Variants in PCDHGA10 observed in about 807,000 individuals in gnomAD.
PCDHGA10 encodes the protein protocadherin gamma subfamily A, 10.
A neutral mutation model predicts 59.5 loss-of-function variants in PCDHGA10; 42 were observed. That is an observed-to-expected ratio of 0.71 (90% CI 0.55 to 0.91). PCDHGA10 has a LOEUF of 0.91. Ranked by LOEUF, PCDHGA10 falls within the 40% of genes least tolerant of loss-of-function variation. PCDHGA10 has a pLI of 0.00. For missense variants in PCDHGA10, 1,111 were observed against 1,198.2 expected (o/e 0.93, Z 1.07); for synonymous variants, 511 against 517.2 (o/e 0.99, Z 0.16).
chr5:141,450,829 A>ATTT (rs373424450), intron 1 of PCDHGA10, among the ~76,000 whole-genome samples: 12,063 of 134,876 alleles, frequency 0.089, 619 homozygotes, highest in African/African-American at 0.14. Flanking sequence ...TATTATTATT[A>ATTT]TTTTTTTTTT....
chr5:141,496,511 C>T (rs1161285563), intron 2 of PCDHGA10, among the ~76,000 whole-genome samples: 1 of 152,182 alleles, frequency 6.6e-6, no homozygotes, highest in Non-Finnish European at 1.5e-5. Flanking sequence ...CACAAGGACC[C>T]AGGAGCCCTT....
intron 3 of PCDHGA10, among the ~76,000 whole-genome samples, chr5:141,509,841 C>T (rs546036990): frequency 2.0e-5 from 3 of 152,326 alleles, no homozygotes; most frequent in African/African-American, 7.2e-5. Context: ...ACCTCCCATT[C>T]ACTCAGAACA....
At chr5:141,463,493 G>C (rs2099061978) in intron 1 of PCDHGA10, among the ~76,000 whole-genome samples, 1 of 128,844 alleles carries the variant, frequency 7.8e-6, no homozygotes, top group Admixed American at 9.6e-5. Flanking sequence ...CTGTCACCCA[G>C]GCTGGAGTGA....
In PCDHGA10 at chr5:141,491,049, G is replaced by A. The variant is rs369146505; in HGVS notation, c.2437-3758G>A. Reference sequence around the variant, plus strand: ...TGGATGCTGATGCAGGCCACAATGCGTGGCTCTCCTACTCACTGTTGCCAC... The same window carrying A: ...TGGATGCTGATGCAGGCCACAATGCATGGCTCTCCTACTCACTGTTGCCAC... On this transcript the variant is annotated intron_variant, in intron 1 of 3. Coordinates refer to ENST00000398610, the MANE Select transcript of PCDHGA10 (RefSeq NM_018913.3). This position sits in a 1 kb window ranked among gnomAD's most constrained non-coding sequence, Gnocchi z 6.9. The A allele has an allele frequency of 3.3e-5, 53 of 1,614,116 alleles. No individual in the cohort carries two copies. The African/African-American group carries it at 5.5e-4, about 17-fold the overall frequency.
At chr5:141,448,139 C>A (rs1486636157) in intron 1 of PCDHGA10, among the ~76,000 whole-genome samples, 1 of 151,884 alleles carries the variant, frequency 6.6e-6, no homozygotes, top group African/African-American at 2.4e-5. Context: ...CCTCACTATA[C>A]CTCAGACTCA....
Position 141,415,247 on chromosome 5 carries a change from C to G in PCDHGA10, c.2072C>G (p.Ser691Ter). 6.2e-7 allele frequency: 1 copy of G among 1,614,210 alleles called. No homozygotes were observed. ...GAGTCTCCAGCTAACTCTGAAACCT[C>G]AGACCTCACTCTGTACCTGGTGGTA... ...SFESPANSET[S>*]DLTLYLVVAV... Residue 691 changes from serine to a stop codon, truncating the protein, a stop_gained, in exon 1 of 4, where the codon TCA becomes TGA. Transcript: ENST00000398610. LOFTEE classifies it high-confidence loss of function.
chr5:141,427,483 A>G lies in PCDHGA10; in HGVS notation c.2436+11872A>G, dbSNP rs759092057. The G allele has an allele frequency of 1.5e-4, 79 of 535,350 alleles. 2 individuals carry two copies. The highest frequency in any genetic ancestry group is 1.1e-3 in the South Asian group (73 of 65,268). 33.2% of individuals were successfully genotyped at this position (535,350 alleles called of 1,614,324 possible). ...ATCGAATCTTCCGCCAATAATGACT[A>G]TAAGCTTGTAACAGATGGGACCCTG... On this transcript the variant is annotated intron_variant, in intron 1 of 3. Coordinates refer to ENST00000398610, the MANE Select transcript of PCDHGA10 (RefSeq NM_018913.3).
At chr5:141,422,009 G>C (rs1483710075) in intron 1 of PCDHGA10, 1 of 1,609,752 alleles carries the variant, frequency 6.2e-7, no homozygotes, top group Non-Finnish European at 8.5e-7. Flanking sequence ...TCCGGAACTC[G>C]GGTGCTGATG....
Position 141,476,187 on chromosome 5 carries a change from G to A in PCDHGA10, c.2437-18620G>A. 6.2e-7 allele frequency: 1 copy of A among 1,613,782 alleles called. No individual in the cohort carries two copies. The highest frequency in any genetic ancestry group is 1.1e-5 in the South Asian group (1 of 91,072). ...GTAGTGGGAGTTTTGCTTCTGCTTG[G>A]TGCCTTGAACAAGGCTTCCACGGTC... On this transcript the variant is annotated intron_variant, in intron 1 of 3. Coordinates refer to ENST00000398610, the MANE Select transcript of PCDHGA10 (RefSeq NM_018913.3). This position sits in a 1 kb window ranked among gnomAD's most constrained non-coding sequence, Gnocchi z 7.6.
chr5:141,475,550 T>G (rs2099365082), intron 1 of PCDHGA10, among the ~76,000 whole-genome samples: 1 of 152,246 alleles, frequency 6.6e-6, no homozygotes, highest in Non-Finnish European at 1.5e-5. Flanking sequence ...AGGGTCCGGC[T>G]AATTGTCTGT....
At chr5:141,505,239 G>A (rs2099844708) in intron 2 of PCDHGA10, 154 bp from the exon 3 acceptor site, 1 of 886,092 alleles carries the variant, frequency 1.1e-6, no homozygotes, top group Middle Eastern at 5.9e-4. Context: ...GCTTCTGAAG[G>A]ATTGTAGAAG....
chr5:141,425,486 C>T (rs2096878743), intron 1 of PCDHGA10, among the ~76,000 whole-genome samples: 1 of 152,236 alleles, frequency 6.6e-6, no homozygotes, highest in African/African-American at 2.4e-5. Context: ...TGGCAACCTA[C>T]TAGGCTATAC....
rs781336795 is a variant in PCDHGA10, at chr5:141,477,936, C to T, written c.2437-16871C>T. Reference sequence around the variant, plus strand: ...GATGCAGGGCACAATGCCTGGCTCTCCTACAGTCTCTTGGGATCCCCTAAC... The same window carrying T: ...GATGCAGGGCACAATGCCTGGCTCTTCTACAGTCTCTTGGGATCCCCTAAC... On this transcript the variant is annotated intron_variant, in intron 1 of 3. Transcript: ENST00000398610. This position sits in a 1 kb window ranked among gnomAD's most constrained non-coding sequence, Gnocchi z 4.9. 1.2e-6 allele frequency: 2 copies of T among 1,614,170 alleles called. No homozygotes were observed. The highest frequency in any genetic ancestry group is 1.1e-5 in the South Asian group (1 of 91,088).
At chr5:141,438,591 C>CATATATATAT (rs946798767) in intron 1 of PCDHGA10, among the ~76,000 whole-genome samples, 17 of 75,552 alleles carry the variant, frequency 2.3e-4, no homozygotes, top group Non-Finnish European at 3.8e-4. Context: ...TACATACATA[C>CATATATATAT]ATATATATAT....
Position 141,475,871 on chromosome 5 carries a change from A to C in PCDHGA10, c.2437-18936A>C, listed in dbSNP as rs568810142. 35 of 513,270 alleles carry C rather than the reference A, an allele frequency of 6.8e-5. No individual in the cohort carries two copies. The East Asian group carries it at 1.1e-3, about 16-fold the overall frequency. The allele number at this position is 513,270 out of a possible 1,614,324, so 31.8% of individuals were successfully genotyped here. The stretch of plus-strand genomic sequence containing the variant: ...CCCGGCGCTAGCTCATTCTTCGTGC[A>C]GTTATTGGCTGGGACTCTGTGTGCC... On this transcript the variant is annotated intron_variant, in intron 1 of 3. Transcript: ENST00000398610.
chr5:141,413,513 T>C lies in PCDHGA10; in HGVS notation c.338T>C (p.Leu113Pro), dbSNP rs1369472337. 34 of 1,613,974 alleles carry C rather than the reference T, an allele frequency of 2.1e-5. No individual in the cohort carries two copies. The highest frequency in any genetic ancestry group is 2.9e-5 in the Non-Finnish European group (34 of 1,179,924). ...CGGTGCGTGGTGAGTTTTAATATCC[T>C]TGTGGAAGACAGGGTGAAACTTTTT... ...SARCVVSFNI[L>P]VEDRVKLFGI... Residue 113 changes from leucine to proline, a missense_variant, in exon 1 of 4, where the codon CTT becomes CCT. Transcript: ENST00000398610.
Position 141,485,855 on chromosome 5 carries a change from C to A in PCDHGA10, c.2437-8952C>A. ...CCCGCCGAGATCTGGCACCGCAGAG[C>A]TCCGGGTATCCGTGCTGGACGTAAA... On this transcript the variant is annotated intron_variant, in intron 1 of 3. Transcript: ENST00000398610. The surrounding 1 kb of genome is among the most constrained non-coding windows in gnomAD (Gnocchi z 5.7). 6.2e-7 allele frequency: 1 copy of A among 1,614,196 alleles called. No homozygotes were observed. Among genetic ancestry groups the A allele is most frequent in the Non-Finnish European group, 8.5e-7 (1 of 1,180,036 alleles).
chr5:141,427,197 A>C (rs1277186420), intron 1 of PCDHGA10: 4 of 456,762 alleles, frequency 8.8e-6, no homozygotes, highest in Admixed American at 2.3e-5. Context: ...CAAAGACTTA[A>C]TAGACTTCGA....
At chr5:141,499,007 AG>A (rs2099788320) in intron 2 of PCDHGA10, among the ~76,000 whole-genome samples, 1 of 151,128 alleles carries the variant, frequency 6.6e-6, no homozygotes, top group Non-Finnish European at 1.5e-5. Flanking sequence ...GAAGGAAGGA[AG>A]GAAGGAAGGA....
Sources: gnomAD v4.1 joint callset for allele counts (sites outside exome capture counted in the v4.1 genomes callset) on GRCh38, gnomAD v4.1.1 for gene constraint, Gnocchi (gnomAD v3.1) non-coding constraint, MANE v1.5 for transcripts, NCBI Gene and HGNC (gene_info 2026-07-23, HGNC 2026-07-21) for gene names.